The following ASPM variants were observed in gnomAD, a reference collection of about 807,000 sequenced individuals.
ASPM encodes the protein abnormal spindle-like microcephaly-associated protein.
ASPM carries 256 observed loss-of-function variants against 366.4 expected under a neutral mutation model. The ratio of observed to expected loss-of-function variants is 0.70; its 90% CI spans 0.63 to 0.77. The LOEUF (loss-of-function observed/expected upper bound fraction) is 0.77, where lower values mean the gene tolerates loss of function less well. Among genes scored for constraint, ASPM ranks in the 30% least tolerant of loss-of-function variants. The pLI is 0.00. For synonymous variants in ASPM, 1,414 were observed against 1,342.9 expected (o/e 1.05, Z -1.16); for missense variants, 4,146 against 4,090.4 (o/e 1.01, Z -0.37).
At chr1:197,138,728 C>T in intron 4 of ASPM, 1 of 687,904 alleles carries the variant, frequency 1.5e-6, no homozygotes, top group Non-Finnish European at 2.6e-6. Flanking sequence ...GGCTCTCAAA[C>T]AGAAAATTAA....
chr1:197,119,307 G>T (rs2125103093), intron 16 of ASPM, among the ~76,000 whole-genome samples: 1 of 152,192 alleles, frequency 6.6e-6, no homozygotes, highest in East Asian at 1.9e-4. Context: ...GGACTGTAGA[G>T]GCTCAAGTTA....
chr1:197,118,027 A>T, intron 16 of ASPM, 44 bp from the exon 17 acceptor site: 1 of 1,535,040 alleles, frequency 6.5e-7, no homozygotes, highest in Non-Finnish European at 9.0e-7. Flanking sequence ...CACTCACTTA[A>T]GACCTTAAAT....
At position 197,084,332 on chromosome 1, in the gene ASPM, G is replaced by A. The variant is rs1324874968; in HGVS notation, c.10426C>T (p.Pro3476Ser). The A allele has an allele frequency of 1.2e-6, 2 of 1,604,692 alleles. No homozygotes were observed. Among genetic ancestry groups the A allele is most frequent in the Admixed American group, 1.7e-5 (1 of 59,886 alleles). The change falls in exon 28 of 28, where the codon CCT (proline) becomes TCT (serine). Residue 3476 changes from proline (P) to serine (S), a missense_variant. Coordinates refer to ENST00000367409, the MANE Select transcript of ASPM (RefSeq NM_018136.5). ...IQMVMDTLGIPY is the reference protein window; with the variant it reads ...IQMVMDTLGISY ...GAAAATGTTTACATTTACTAATAAG[G>A]AATGCCAAGCGTATCCATCACCATT...
Position 197,100,902 on chromosome 1 carries a change from C to T in ASPM, c.8349G>A (p.Gln2783=), listed in dbSNP as rs764359670. 8.1e-6 allele frequency: 13 copies of T among 1,612,588 alleles called. No individual in the cohort carries two copies. Among genetic ancestry groups the T allele is most frequent in the East Asian group, 4.5e-5 (2 of 44,834 alleles). ...CACCTTCACTTTGAACAGCTTCATA[C>T]TGAGTTTTACTTCTGTAACAGCAGA... ...SALCCYRSKT[Q]YEAVQSEGVM... is the part of the protein sequence containing the mutation. Residue 2783 remains glutamine, a synonymous_variant, in exon 18 of 28, where the codon CAG becomes CAA. Coordinates refer to ENST00000367409, the MANE Select transcript of ASPM (RefSeq NM_018136.5).
rs142098682 is a variant in ASPM at position 197,125,163 on chromosome 1, A to G, written c.2965T>C (p.Trp989Arg). The change falls in exon 11 of 28, where the codon TGG becomes CGG. Residue 989 changes from tryptophan to arginine, a missense_variant. By Grantham distance (101) the Trp-to-Arg change is moderately radical. Around this residue, in one of 3 missense-constraint regions of ASPM, gnomAD observed 3,624 missense variants for 3,591.7 expected, o/e 1.01. Coordinates refer to ENST00000367409, the MANE Select transcript of ASPM (RefSeq NM_018136.5). Reference protein sequence around the residue: ...VRTMELLTQNWDLSKKLRIPA... With the variant: ...VRTMELLTQNRDLSKKLRIPA... ...ATCCTGAGTTTCTTTGAGAGGTCCC[A>G]GTTCTGTGTGAGAAGTTCCATGGTT... 6.2e-7 allele frequency: 1 copy of G among 1,614,084 alleles called. No individual in the cohort carries two copies. Among genetic ancestry groups the G allele is most frequent in the Non-Finnish European group, 8.5e-7 (1 of 1,179,950 alleles).
chr1:197,086,956 G>T lies in ASPM; in HGVS notation c.10178C>A (p.Ser3393Tyr). 6.2e-7 allele frequency: 1 copy of T among 1,608,862 alleles called. No individual in the cohort carries two copies. Residue 3393 changes from serine (S) to tyrosine (Y), a missense_variant, in exon 27 of 28, where the codon TCC becomes TAC. Physicochemically the swap from Ser to Tyr is moderately radical, Grantham distance 144. This residue lies in a region of ASPM where 3,624 missense variants were observed against 3,591.7 expected (regional missense o/e 1.01). Transcript: ENST00000367409. The stretch of plus-strand genomic sequence containing the variant: ...ACTGTAAATACGGTCAACAACTTTG[G>T]ACCTACTTCGTACATCCTACAAAAT... ...TNRASDVRSR[S>Y]KVVDRIYSLY...
At position 197,135,215 on chromosome 1, in the gene ASPM, G is replaced by T. The variant is rs1658380485; in HGVS notation, c.2054C>A (p.Ala685Asp). ...TTCATCATAAAACATGTTTTTTGCA[G>T]CAAATGGCATCGGGTGTCTGGGAAT... ...TDIPRHPMPF[A>D]AKNMFYDERW... is the part of the protein sequence containing the mutation. The change falls in exon 5 of 28, where the codon GCT (alanine) becomes GAT (aspartate). Residue 685 changes from alanine to aspartate, a missense_variant. By Grantham distance (126) the Ala-to-Asp change is moderately radical. Around this residue, in one of 3 missense-constraint regions of ASPM, gnomAD observed 3,624 missense variants for 3,591.7 expected, o/e 1.01. Transcript: ENST00000367409. The T allele has an allele frequency of 1.2e-6, 2 of 1,613,830 alleles. No homozygotes were observed. The highest frequency in any genetic ancestry group is 2.7e-5 in the African/African-American group (2 of 74,904).
intron 20 of ASPM, 96 bp from the exon 21 acceptor site, chr1:197,093,357 T>C (rs1656850706): frequency 1.0e-6 from 1 of 973,604 alleles, no homozygotes; most frequent in Admixed American, 1.8e-5. Flanking sequence ...GATGGCATAA[T>C]TATGATTTAT....
At chr1:197,139,184 G>A in intron 4 of ASPM, 4 of 961,722 alleles carry the variant, frequency 4.2e-6, no homozygotes, top group East Asian at 2.4e-5. Context: ...GGAGCTTAAC[G>A]AAGTCACAGT....
chr1:197,140,201 A>G (rs550075507), intron 3 of ASPM, among the ~76,000 whole-genome samples: 27 of 152,376 alleles, frequency 1.8e-4, no homozygotes, highest in African/African-American at 6.5e-4. Flanking sequence ...GCCCTGAAGT[A>G]GTTCTCAGTC....
At chr1:197,139,302 AGCCCATGTTTTT>A in intron 4 of ASPM, 1 of 845,664 alleles carries the variant, frequency 1.2e-6, no homozygotes, top group Middle Eastern at 2.3e-4. Context: ...AAAGGATAAC[AGCCCATGTTTTT>A]GGCCGGGCGC....
At position 197,090,940 on chromosome 1, in the gene ASPM, A is replaced by G. The variant is rs143575487; in HGVS notation, c.9546T>C (p.Asn3182=). 2 of 1,613,342 alleles carry G rather than the reference A, an allele frequency of 1.2e-6. No homozygotes were observed. Among genetic ancestry groups the G allele is most frequent in the African/African-American group, 1.3e-5 (1 of 74,984 alleles). ...HEGQECLSQR[N]RAASVIQKAV... is the part of the protein sequence containing the mutation. ...CTTTCTGTATTACTGATGCAGCCCT[A>G]TTTCGCTGGCTCAGACATTCTTGAC... The change falls in exon 23 of 28, where the codon AAT becomes AAC. Residue 3182 remains asparagine, a synonymous_variant. Coordinates refer to ENST00000367409, the MANE Select transcript of ASPM (RefSeq NM_018136.5).
intron 22 of ASPM, 88 bp downstream of exon 22, chr1:197,091,819 T>C: frequency 1.4e-6 from 2 of 1,385,904 alleles, no homozygotes; most frequent in Non-Finnish European, 2.0e-6. Flanking sequence ...GACCTTAGCA[T>C]AAAGCATTTG....
In ASPM at chr1:197,144,002, G is replaced by A. The variant is rs761152464; in HGVS notation, c.396C>T (p.His132=). ...CTGCATTTCCTAGTAATATAGCTTGGTGTTTCAGAACATCATTTACAAGAA... is the reference window on the plus strand; with the variant it reads ...CTGCATTTCCTAGTAATATAGCTTGATGTTTCAGAACATCATTTACAAGAA... The part of the protein sequence containing the change: ...MTFLVNDVLK[H]QAILLGNAEE... The change falls in exon 2 of 28, where the codon CAC becomes CAT. Residue 132 remains histidine (H), a synonymous_variant. Transcript: ENST00000367409. 1 of 1,609,970 alleles carries A rather than the reference G, an allele frequency of 6.2e-7. No individual in the cohort carries two copies. The highest frequency in any genetic ancestry group is 8.5e-7 in the Non-Finnish European group (1 of 1,176,702).
At chr1:197,093,341 C>G in intron 20 of ASPM, 80 bp from the exon 21 acceptor site, 1 of 1,063,152 alleles carries the variant, frequency 9.4e-7, no homozygotes, top group Non-Finnish European at 1.4e-6. Flanking sequence ...TTGAATTTCT[C>G]AATGAGATGG....
At chr1:197,114,471 G>A (rs370613277) in intron 17 of ASPM, among the ~76,000 whole-genome samples, 11 of 152,278 alleles carry the variant, frequency 7.2e-5, no homozygotes, top group South Asian at 4.1e-4. Flanking sequence ...ACTTATTAGC[G>A]TTTTACCCAA....
chr1:197,146,168 A>G lies in ASPM; in HGVS notation c.270T>C (p.Ser90=), dbSNP rs2125115990. 6.2e-7 allele frequency: 1 copy of G among 1,614,012 alleles called. No homozygotes were observed. Among genetic ancestry groups the G allele is most frequent in the Non-Finnish European group, 8.5e-7 (1 of 1,179,992 alleles). ...SHFPAADLGF[S]VSQRCFVLQP... ...GCAACACGAAACAGCGCTGCGACAC[A>G]CTGAAGCCCAGGTCCGCGGCCGGGA... Residue 90 remains serine (S), a synonymous_variant, in exon 1 of 28, where the codon AGT becomes AGC. Coordinates refer to ENST00000367409, the MANE Select transcript of ASPM (RefSeq NM_018136.5).
Position 197,117,898 on chromosome 1 carries a change from G to A in ASPM, c.3956C>T (p.Ala1319Val), listed in dbSNP as rs1308889723. ...KQRLRKRVNA[A>V]LVIQKYWRRV... ...TCGCCAATATTTCTGAATGACGAGT[G>A]CTGCATTAACTCTTTTTCTCAATCT... is the stretch of plus-strand genomic sequence containing the variant. Residue 1319 changes from alanine (A) to valine (V), a missense_variant, in exon 17 of 28, where the codon GCA becomes GTA. Ala to Val is a moderately conservative substitution (Grantham distance 64). Transcript: ENST00000367409. 1 of 1,613,054 alleles carries A rather than the reference G, an allele frequency of 6.2e-7. No homozygotes were observed. Among genetic ancestry groups the A allele is most frequent in the Non-Finnish European group, 8.5e-7 (1 of 1,179,222 alleles).
intron 17 of ASPM, among the ~76,000 whole-genome samples, chr1:197,108,535 T>G (rs550553226): frequency 6.6e-6 from 1 of 152,168 alleles, no homozygotes; most frequent in South Asian, 2.1e-4. Context: ...CACTACAGAC[T>G]ACCCAGGCAT....
Sources: allele counts gnomAD v4.1 joint callset (sites outside exome capture counted in the v4.1 genomes callset), GRCh38; gene constraint gnomAD v4.1.1; regional missense constraint gnomAD v4.1.1; transcripts MANE v1.5; gene names NCBI Gene and HGNC (gene_info 2026-07-23, HGNC 2026-07-21).